USP25: variants seen among roughly 807,000 people sequenced by gnomAD.
The protein encoded by USP25 is ubiquitin specific peptidase 25, also known as ubiquitin carboxyl-terminal hydrolase 25.
In USP25, 85 loss-of-function variants were observed where a neutral mutation model predicts 158.5. That is an observed-to-expected ratio of 0.54 (90% confidence interval 0.45 to 0.64). The LOEUF (loss-of-function observed/expected upper bound fraction) is 0.64, where lower values mean the gene tolerates loss of function less well. USP25 is among the 30% of genes least tolerant of loss of function. The pLI is 0.00. For missense variants in USP25, 1,242 were observed against 1,327.3 expected, an observed-to-expected ratio of 0.94 and a Z score of 1.00; for synonymous variants, 464 against 460.4, an observed-to-expected ratio of 1.01 and a Z score of -0.10.
At chr21:15,829,311 C>CA (rs894834525) in intron 14 of USP25, among the ~76,000 whole-genome samples, 22 of 152,284 alleles carry the variant, frequency 1.4e-4, no homozygotes, top group African/African-American at 4.8e-4. Context: ...ACCCTGCTCC[C>CA]ACCCTCCACC....
chr21:15,848,732 A>T (rs902743593), intron 19 of USP25, among the ~76,000 whole-genome samples: 2 of 152,174 alleles, frequency 1.3e-5, no homozygotes, highest in Non-Finnish European at 2.9e-5. Context: ...GTACCAGTGT[A>T]AGAAATCACA....
At chr21:15,842,676 C>T in intron 18 of USP25, 136 bp downstream of exon 18, 1 of 1,042,090 alleles carries the variant, frequency 9.6e-7, no homozygotes, top group Non-Finnish European at 1.4e-6. Context: ...GATCAGTGAC[C>T]ATGGGCAAGT....
chr21:15,765,878 AGATT>A (rs1167447256), intron 2 of USP25, 115 bp from the exon 3 acceptor site: 9 of 911,586 alleles, frequency 9.9e-6, no homozygotes, highest in Non-Finnish European at 1.4e-5. Context: ...AATCACATAT[AGATT>A]AATTGCAAAT....
At chr21:15,783,119 T>C (rs1225910829) in intron 4 of USP25, among the ~76,000 whole-genome samples, 4 of 151,404 alleles carry the variant, frequency 2.6e-5, no homozygotes, top group Non-Finnish European at 5.9e-5. Flanking sequence ...AAAAATACAA[T>C]TGAGAGCCAC....
intron 4 of USP25, among the ~76,000 whole-genome samples, chr21:15,788,717 GCAC>G (rs981231490): frequency 6.6e-6 from 1 of 151,008 alleles, no homozygotes; most frequent in African/African-American, 2.4e-5. Context: ...CTTTTTTTTT[GCAC>G]CACAATTCTA....
chr21:15,771,479 G>A (rs149128279), intron 3 of USP25, among the ~76,000 whole-genome samples: 1 of 152,096 alleles, frequency 6.6e-6, no homozygotes, highest in African/African-American at 2.4e-5. Flanking sequence ...AAGGTTGTGC[G>A]TCCCAGACCA....
chr21:15,781,387 A>C (rs1170244775), intron 4 of USP25, among the ~76,000 whole-genome samples: 4 of 152,182 alleles, frequency 2.6e-5, no homozygotes, highest in Admixed American at 6.5e-5. Flanking sequence ...TTTGATCAAA[A>C]GCTTTATTCT....
Position 15,805,080 on chromosome 21 carries a change from T to G in USP25, c.643-41T>G, listed in dbSNP as rs765623292. 1.1e-5 allele frequency: 17 copies of G among 1,533,686 alleles called. No homozygotes were observed. The South Asian group carries it at 2.1e-4, about 19-fold the overall frequency. ...TTATTAGTAAAAATTTTCTTAATCT[T>G]CAGTTAAGGTGTTTTTGTTTTTGTT... On this transcript the variant is annotated intron_variant, in intron 6 of 25. Coordinates refer to ENST00000400183, the MANE Select transcript of USP25 (RefSeq NM_001283041.3).
At chr21:15,790,455 AAAT>A (rs1230755679) in intron 4 of USP25, among the ~76,000 whole-genome samples, 5 of 152,014 alleles carry the variant, frequency 3.3e-5, no homozygotes, top group African/African-American at 1.2e-4. Flanking sequence ...GTTAAGGATA[AAAT>A]AATAATATTT....
At chr21:15,851,499 C>G (rs904745200) in intron 20 of USP25, among the ~76,000 whole-genome samples, 5 of 142,926 alleles carry the variant, frequency 3.5e-5, no homozygotes, top group Non-Finnish European at 4.4e-5. Flanking sequence ...GCTCCTATCC[C>G]CCATACACAC....
At chr21:15,735,759 T>C (rs1490862296) in intron 1 of USP25, among the ~76,000 whole-genome samples, 1 of 152,214 alleles carries the variant, frequency 6.6e-6, no homozygotes, top group Admixed American at 6.5e-5. Context: ...GAGGTACTTG[T>C]TACTTTGAAG....
intron 14 of USP25, 58 bp from the exon 15 acceptor site, chr21:15,830,473 A>C: frequency 6.9e-7 from 1 of 1,459,062 alleles, no homozygotes; most frequent in South Asian, 1.3e-5. Context: ...ATTAGTCCTT[A>C]TCTTATAAGT....
At chr21:15,862,526 A>G (rs900126353) in intron 20 of USP25, among the ~76,000 whole-genome samples, 8 of 151,270 alleles carry the variant, frequency 5.3e-5, no homozygotes, top group African/African-American at 1.2e-4. Context: ...TTTATTCTCA[A>G]ATTCTTCCTA....
intron 4 of USP25, among the ~76,000 whole-genome samples, chr21:15,782,857 C>T (rs1011296945): frequency 1.3e-5 from 2 of 152,088 alleles, no homozygotes; most frequent in South Asian, 2.1e-4. Flanking sequence ...AGCAAGGAAA[C>T]GTGTCACCCC....
In USP25 at chr21:15,777,994, C is replaced by T; in HGVS notation, c.359C>T (p.Thr120Ile). The change falls in exon 4 of 26, where the codon ACT becomes ATT. Residue 120 changes from threonine to isoleucine, a missense_variant. Thr to Ile is a moderately conservative substitution (Grantham distance 89, BLOSUM62 -1). Around this residue, in one of 3 missense-constraint regions of USP25, gnomAD observed 627 missense variants for 701.4 expected, o/e 0.89. Transcript: ENST00000400183. ...LAESNRAFRE[T>I]GITDEEQAIS... ...GAATCAAACAGGGCATTCAGGGAGACTGGAATAACTGATGAGGAACAAGCC... is the reference window on the plus strand; with the variant it reads ...GAATCAAACAGGGCATTCAGGGAGATTGGAATAACTGATGAGGAACAAGCC... 1 of 1,610,346 alleles carries T rather than the reference C, an allele frequency of 6.2e-7. No individual in the cohort carries two copies. Among genetic ancestry groups the T allele is most frequent in the Non-Finnish European group, 8.5e-7 (1 of 1,178,578 alleles).
At chr21:15,733,773 C>T (rs993934907) in intron 1 of USP25, among the ~76,000 whole-genome samples, 7 of 151,978 alleles carry the variant, frequency 4.6e-5, no homozygotes, top group Non-Finnish European at 5.9e-5. Context: ...ACTCGGGAGG[C>T]GGAGGTTGCA....
chr21:15,779,189 T>C (rs2034822211), intron 4 of USP25, among the ~76,000 whole-genome samples: 1 of 152,064 alleles, frequency 6.6e-6, no homozygotes, highest in African/African-American at 2.4e-5. Flanking sequence ...TAATATTTAT[T>C]GCCAGGAACT....
At position 15,734,414 on chromosome 21, in the gene USP25, T is replaced by C. The variant is rs537641268; in HGVS notation, c.45+3976T>C. ...TAAAGGAGGCATTCTTTATTAGGAA[T>C]CAGTTGATTATCTTATTATTAGTAT... On this transcript the variant is annotated intron_variant, in intron 1 of 25. Coordinates refer to ENST00000400183, the MANE Select transcript of USP25 (RefSeq NM_001283041.3). Among the ~76,000 whole-genome samples, 17 of 152,348 alleles carry C rather than the reference T, an allele frequency of 1.1e-4. No individual in the cohort carries two copies. The East Asian group carries it at 1.7e-3, about 16-fold the overall frequency.
At chr21:15,850,398 A>G (rs1272036596) in intron 20 of USP25, among the ~76,000 whole-genome samples, 2 of 152,174 alleles carry the variant, frequency 1.3e-5, no homozygotes, top group East Asian at 1.9e-4. Flanking sequence ...GAGAACATCA[A>G]GCTGAACACG....
Sources: allele counts gnomAD v4.1 joint callset (sites outside exome capture counted in the v4.1 genomes callset), GRCh38; gene constraint gnomAD v4.1.1; regional missense constraint gnomAD v4.1.1; transcripts MANE v1.5; gene names NCBI Gene and HGNC (gene_info 2026-07-23, HGNC 2026-07-21).